NRG1: variants seen among roughly 807,000 people sequenced by gnomAD.
NRG1 encodes the protein pro-neuregulin-1, membrane-bound isoform.
Under a neutral mutation model 63.8 loss-of-function variants are expected in NRG1, and 18 were observed. The ratio of observed to expected loss-of-function variants is 0.28; its 90% CI spans 0.19 to 0.42. The LOEUF (loss-of-function observed/expected upper bound fraction) is 0.42, where lower values mean the gene tolerates loss of function less well. Among genes scored for constraint, NRG1 ranks in the 10% least tolerant of loss-of-function variants. The pLI is 1.00. For synonymous variants in NRG1, 302 were observed against 301.3 expected (o/e 1.00, Z -0.02); for missense variants, 762 against 814.7 (o/e 0.94, Z 0.79).
rs892376035 is a variant in NRG1 at position 32,570,883 on chromosome 8, A to C, written c.100+22057A>C. Among the ~76,000 whole-genome samples the C allele has an allele frequency of 3.3e-5, 5 of 152,308 alleles. 1 individual carries two copies. Among genetic ancestry groups the C allele is most frequent in the Non-Finnish European group, 7.4e-5 (5 of 68,012 alleles). On this transcript the variant is annotated intron_variant, in intron 1 of 11. Transcript: ENST00000356819. ...TGGTAACAGACAGGAGTGTAGGTGA[A>C]TGATATGAATTTGCACTGAGTTTGT... is the stretch of plus-strand genomic sequence containing the variant.
At chr8:32,173,633 G>A (rs1033009704) in intron 1 of NRG1, among the ~76,000 whole-genome samples, 9 of 152,228 alleles carry the variant, frequency 5.9e-5, no homozygotes, top group South Asian at 2.1e-4. Context: ...TCAAAATAAA[G>A]GGATGGAGGA....
intron 6 of NRG1, among the ~76,000 whole-genome samples, chr8:32,732,115 C>T (rs10954866): frequency 0.2 from 29,903 of 152,126 alleles, 3,259 homozygotes; most frequent in East Asian, 0.37. Context: ...CTTGGACCTC[C>T]TCCTGGGGAC....
intron 1 of NRG1, among the ~76,000 whole-genome samples, chr8:31,924,789 G>C (rs1002444859): frequency 3.3e-5 from 5 of 151,736 alleles, no homozygotes; most frequent in East Asian, 1.9e-4. Flanking sequence ...CCTAGGTTTT[G>C]ACATGGTATT....
At chr8:32,242,564 A>T (rs578134346) in intron 1 of NRG1, among the ~76,000 whole-genome samples, 2 of 152,314 alleles carry the variant, frequency 1.3e-5, no homozygotes, top group African/African-American at 4.8e-5. Flanking sequence ...GGCGGTGAAG[A>T]TGTGAAGGAG....
At chr8:32,281,624 T>C (rs1477204395) in intron 1 of NRG1, among the ~76,000 whole-genome samples, 1 of 152,200 alleles carries the variant, frequency 6.6e-6, no homozygotes, top group African/African-American at 2.4e-5. Flanking sequence ...TTTGGTTCTC[T>C]GTTCTTGCAT....
chr8:31,929,406 A>G (rs1239727671), intron 1 of NRG1, among the ~76,000 whole-genome samples: 1 of 152,070 alleles, frequency 6.6e-6, no homozygotes, highest in African/African-American at 2.4e-5. Flanking sequence ...ATTTTTGAAT[A>G]GTGCTTTAAC....
At chr8:32,006,235 C>T (rs1324346923) in intron 1 of NRG1, among the ~76,000 whole-genome samples, 1 of 151,948 alleles carries the variant, frequency 6.6e-6, no homozygotes, top group Non-Finnish European at 1.5e-5. Flanking sequence ...GATGTAAACA[C>T]TATTTATTAG....
intron 1 of NRG1, among the ~76,000 whole-genome samples, chr8:32,278,774 G>C (rs577150887): frequency 6.6e-6 from 1 of 152,204 alleles, no homozygotes; most frequent in South Asian, 2.1e-4. Context: ...GCCCTCTGTG[G>C]TTTGCCAAGA....
At chr8:32,216,691 T>C (rs1286956671) in intron 1 of NRG1, among the ~76,000 whole-genome samples, 1 of 150,242 alleles carries the variant, frequency 6.7e-6, no homozygotes, top group Non-Finnish European at 1.5e-5. Context: ...AAATATAATA[T>C]AAATTATATT....
chr8:31,957,022 ACCC>A (rs1291416264), intron 1 of NRG1, among the ~76,000 whole-genome samples: 10 of 152,088 alleles, frequency 6.6e-5, no homozygotes, highest in African/African-American at 2.2e-4. Context: ...GGGAAAAAAA[ACCC>A]CTAGGTTTCT....
intron 1 of NRG1, among the ~76,000 whole-genome samples, chr8:32,416,817 C>A (rs540975437): frequency 6.6e-6 from 1 of 151,972 alleles, no homozygotes; most frequent in Non-Finnish European, 1.5e-5. Context: ...CCTCTGAAGT[C>A]GTTGGGACCA....
chr8:32,731,431 C>A (rs981230749), intron 6 of NRG1, among the ~76,000 whole-genome samples: 3 of 148,552 alleles, frequency 2.0e-5, no homozygotes, highest in African/African-American at 7.5e-5. Context: ...TAATTAGGAT[C>A]TTTTAGGTAA....
chr8:32,424,183 A>G (rs764104965), intron 1 of NRG1, among the ~76,000 whole-genome samples: 2 of 152,064 alleles, frequency 1.3e-5, no homozygotes, highest in Non-Finnish European at 1.5e-5. Flanking sequence ...TCAAACTCAA[A>G]CTGCCTTCTC....
intron 1 of NRG1, among the ~76,000 whole-genome samples, chr8:31,815,067 AT>A (rs1823303390): frequency 6.6e-6 from 1 of 152,120 alleles, no homozygotes; most frequent in South Asian, 2.1e-4. Context: ...CATCTCTTCA[AT>A]TTTTTTCATT....
chr8:32,372,418 A>T (rs1156395515), intron 1 of NRG1, among the ~76,000 whole-genome samples: 3 of 152,176 alleles, frequency 2.0e-5, no homozygotes, highest in Non-Finnish European at 4.4e-5. Context: ...TATAAAAAAA[A>T]GTCACAACCT....
intron 1 of NRG1, among the ~76,000 whole-genome samples, chr8:32,306,809 T>C (rs1229479535): frequency 6.6e-6 from 1 of 152,214 alleles, no homozygotes; most frequent in Admixed American, 6.5e-5. Flanking sequence ...AATCGATTGA[T>C]TGAAAATGCT....
chr8:31,793,337 A>G (rs556368531), intron 1 of NRG1, among the ~76,000 whole-genome samples: 52 of 152,192 alleles, frequency 3.4e-4, no homozygotes, highest in Non-Finnish European at 6.2e-4. Flanking sequence ...TGACATTTTC[A>G]ATGCTGAAAG....
At chr8:31,784,361 G>A (rs910687726) in intron 1 of NRG1, among the ~76,000 whole-genome samples, 4 of 152,164 alleles carry the variant, frequency 2.6e-5, no homozygotes, top group East Asian at 1.9e-4. Context: ...TCATGGAAAC[G>A]TGGATTTTCC....
chr8:31,658,536 C>G (rs563651399), intron 1 of NRG1, among the ~76,000 whole-genome samples: 1 of 152,238 alleles, frequency 6.6e-6, no homozygotes, highest in South Asian at 2.1e-4. Context: ...AATCATGGCT[C>G]ACTACAAACT....
Sources: allele counts gnomAD v4.1 joint callset (sites outside exome capture counted in the v4.1 genomes callset), GRCh38; gene constraint gnomAD v4.1.1; transcripts MANE v1.5; gene names NCBI Gene and HGNC (gene_info 2026-07-23, HGNC 2026-07-21).